Variants in WFDC1 observed in about 807,000 individuals in gnomAD.
WFDC1 encodes WAP four-disulfide core domain 1.
Under a neutral mutation model 32.9 loss-of-function variants are expected in WFDC1, and 39 were observed. That is an observed-to-expected ratio of 1.19 (90% CI 0.92 to 1.55). WFDC1 has a LOEUF of 1.55. Ranked by LOEUF, WFDC1 falls within the 40% of genes most tolerant of loss-of-function variation. The probability of loss-of-function intolerance (pLI) is 0.00; values close to 1 mark genes in which losing one functional copy is unlikely to be tolerated. For missense variants in WFDC1, 386 were observed against 309.5 expected (o/e 1.25, Z -1.85); for synonymous variants, 184 against 137.4 (o/e 1.34, Z -2.37).
intron 1 of WFDC1, among the ~76,000 whole-genome samples, chr16:84,310,681 C>T (rs1458040596): frequency 6.6e-6 from 1 of 152,270 alleles, no homozygotes; most frequent in Non-Finnish European, 1.5e-5. Context: ...TATGTTACAT[C>T]TGTGTGCATT....
intron 1 of WFDC1, among the ~76,000 whole-genome samples, chr16:84,310,545 A>G (rs188049915): frequency 5.9e-5 from 9 of 152,328 alleles, no homozygotes; most frequent in Admixed American, 5.9e-4. Context: ...AGGGTGTACA[A>G]TAGAAAGAAA....
intron 1 of WFDC1, among the ~76,000 whole-genome samples, chr16:84,297,562 A>G (rs1468568134): frequency 7.2e-6 from 1 of 139,718 alleles, no homozygotes; most frequent in East Asian, 2.4e-4. Flanking sequence ...GGTTATAGTG[A>G]GCCGAGATTG....
intron 5 of WFDC1, 34 bp from the exon 6 acceptor site, chr16:84,326,848 C>A (rs574266252): frequency 6.2e-7 from 1 of 1,613,304 alleles, no homozygotes; most frequent in Non-Finnish European, 8.5e-7. Context: ...GGAATAGATA[C>A]ATCTACCCCA....
chr16:84,301,971 GC>G (rs992294612), intron 1 of WFDC1, among the ~76,000 whole-genome samples: 14 of 152,332 alleles, frequency 9.2e-5, no homozygotes, highest in African/African-American at 2.6e-4. Flanking sequence ...CAGCCACAGG[GC>G]AGAGGCAGAT....
At chr16:84,308,778 C>T (rs56956100) in intron 1 of WFDC1, among the ~76,000 whole-genome samples, 6,604 of 151,290 alleles carry the variant, frequency 0.044, 420 homozygotes, top group African/African-American at 0.15. Context: ...TGGGTGTAGA[C>T]GCCATGCTGA....
intron 4 of WFDC1, among the ~76,000 whole-genome samples, chr16:84,320,329 C>T (rs552957869): frequency 1.3e-5 from 2 of 152,298 alleles, no homozygotes; most frequent in African/African-American, 4.8e-5. Context: ...GGGGGTATAT[C>T]AGTACATAAC....
chr16:84,313,078 G>T lies in WFDC1; in HGVS notation c.262G>T (p.Glu88Ter). 2 of 1,423,208 alleles carry T rather than the reference G, an allele frequency of 1.4e-6. No homozygotes were observed. Among genetic ancestry groups the T allele is most frequent in the Non-Finnish European group, 1.8e-6 (2 of 1,093,734 alleles). The allele number at this position is 1,423,208 out of a possible 1,614,324, so 88.2% of individuals were successfully genotyped here. Residue 88 changes from glutamate to a stop codon, truncating the protein, a stop_gained, in exon 2 of 7, where the codon GAG becomes TAG. Coordinates refer to ENST00000219454, the MANE Select transcript of WFDC1 (RefSeq NM_021197.4). LOFTEE classifies it high-confidence loss of function. ...CQAARCQADSECPRHRRCCYN... is the reference protein window; with the variant it reads ...CQAARCQADS ...GGCCGCGCGCTGTCAGGCGGACTCC[G>T]AGTGCCCGCGGCACCGGCGCTGCTG... is the stretch of plus-strand genomic sequence containing the variant.
intron 1 of WFDC1, among the ~76,000 whole-genome samples, chr16:84,300,905 G>C (rs1390256234): frequency 6.6e-6 from 1 of 152,078 alleles, no homozygotes; most frequent in Non-Finnish European, 1.5e-5. Context: ...GGGAGGCGAG[G>C]TGGACGTTGC....
At chr16:84,316,011 A>G (rs1907925616) in intron 2 of WFDC1, 1 of 152,234 alleles carries the variant, frequency 6.6e-6, no homozygotes, top group South Asian at 2.1e-4. Context: ...TACTCCAAAC[A>G]TTTGCTTATT....
At chr16:84,323,564 T>A (rs1908424977) in intron 4 of WFDC1, among the ~76,000 whole-genome samples, 1 of 152,244 alleles carries the variant, frequency 6.6e-6, no homozygotes, top group African/African-American at 2.4e-5. Flanking sequence ...TGCATAGATA[T>A]GTTTTAAATG....
Position 84,319,456 on chromosome 16 carries a change from T to A in WFDC1, c.447T>A (p.Asp149Glu), listed in dbSNP as rs1177228519. ...LQAEACSTTE[D>E]GAEPLLCPSG... ...CAGAGGCGTGCAGCACCACGGAGGA[T>A]GGGGCCGAACCCCTGCTCTGTCCCT... Residue 149 changes from aspartate to glutamate, a missense_variant, in exon 4 of 7, where the codon GAT (aspartate) becomes GAA (glutamate). Transcript: ENST00000219454. 8 of 1,611,386 alleles carry A rather than the reference T, an allele frequency of 5.0e-6. No homozygotes were observed. Among genetic ancestry groups the A allele is most frequent in the Non-Finnish European group, 6.8e-6 (8 of 1,179,910 alleles).
intron 1 of WFDC1, among the ~76,000 whole-genome samples, chr16:84,306,661 A>G (rs1220281557): frequency 1.3e-5 from 2 of 152,242 alleles, no homozygotes; most frequent in African/African-American, 4.8e-5. Context: ...TGCTCTGCAG[A>G]ACCCACTGCA....
intron 1 of WFDC1, among the ~76,000 whole-genome samples, chr16:84,311,991 C>A (rs1334398258): frequency 6.6e-6 from 1 of 151,922 alleles, no homozygotes; most frequent in Admixed American, 6.6e-5. Context: ...CATGTAGAAA[C>A]CCTGTCTCTA....
chr16:84,317,531 C>T (rs763171840), intron 2 of WFDC1: 12 of 152,112 alleles, frequency 7.9e-5, no homozygotes, highest in Middle Eastern at 3.4e-3. Context: ...CGACCCCTGC[C>T]TTTTGAAGGC....
intron 3 of WFDC1, 51 bp from the exon 4 acceptor site, chr16:84,319,380 A>T (rs773719610): frequency 5.7e-6 from 9 of 1,592,374 alleles, no homozygotes; most frequent in Non-Finnish European, 7.7e-6. Flanking sequence ...TAGCATGTGC[A>T]CCTGTCCTGG....
intron 2 of WFDC1, chr16:84,317,457 ACT>A (rs931592033): frequency 6.6e-6 from 1 of 152,012 alleles, no homozygotes; most frequent in African/African-American, 2.4e-5. Context: ...GGCAGGAGGC[ACT>A]CTCTGCTTTG....
intron 4 of WFDC1, among the ~76,000 whole-genome samples, chr16:84,320,440 A>ACT (rs762000412): frequency 3.3e-5 from 5 of 152,236 alleles, no homozygotes; most frequent in Non-Finnish European, 7.3e-5. Flanking sequence ...AGGACTGTTC[A>ACT]GTTTGACTTA....
chr16:84,315,867 C>G (rs1455385738), intron 2 of WFDC1, among the ~76,000 whole-genome samples: 2 of 152,200 alleles, frequency 1.3e-5, no homozygotes, highest in Admixed American at 6.5e-5. Context: ...GAGACAAGGA[C>G]TTGGGCCCAG....
chr16:84,301,132 G>C (rs1349512286), intron 1 of WFDC1, among the ~76,000 whole-genome samples: 1 of 152,148 alleles, frequency 6.6e-6, no homozygotes, highest in Non-Finnish European at 1.5e-5. Context: ...ACTGGAAGCT[G>C]GGAGAGACAT....
Sources: gnomAD v4.1 joint callset for allele counts (sites outside exome capture counted in the v4.1 genomes callset) on GRCh38, gnomAD v4.1.1 for gene constraint, MANE v1.5 for transcripts, NCBI Gene and HGNC (gene_info 2026-07-23, HGNC 2026-07-21) for gene names.